GPR176: variants seen among roughly 807,000 people sequenced by gnomAD.
The protein encoded by GPR176 is G protein-coupled receptor 176, also known as G-protein coupled receptor 176.
A neutral mutation model predicts 35.4 loss-of-function variants in GPR176; 26 were observed. The observed-to-expected ratio is 0.74, with a 90% CI of 0.54 to 1.02. The LOEUF (loss-of-function observed/expected upper bound fraction) is 1.02. Ranked by LOEUF, GPR176 falls within the 50% of genes least tolerant of loss-of-function variation. The pLI, the probability that GPR176 is intolerant of heterozygous loss-of-function variation, is 0.00. For synonymous variants in GPR176, 278 were observed against 271.3 expected (o/e 1.02, Z -0.24); for missense variants, 597 against 665.3 (o/e 0.90, Z 1.13).
chr15:39,869,406 T>C (rs2031962821), intron 1 of GPR176, among the ~76,000 whole-genome samples: 1 of 152,198 alleles, frequency 6.6e-6, no homozygotes, highest in Non-Finnish European at 1.5e-5. Context: ...ATGACATCGC[T>C]ACCGAGCTGT....
intron 1 of GPR176, among the ~76,000 whole-genome samples, chr15:39,850,901 A>AG (rs1275165302): frequency 6.6e-6 from 1 of 152,192 alleles, no homozygotes; most frequent in East Asian, 1.9e-4. Context: ...AAGACCTATT[A>AG]GGAAAACACG....
rs541794215 is a variant in GPR176, at chr15:39,799,191, A to T, written c.*1941T>A. On this transcript the variant is annotated 3_prime_UTR_variant, in exon 3 of 3. Coordinates refer to ENST00000561100, the MANE Select transcript of GPR176 (RefSeq NM_007223.3). ...TTGTACATATACAGTATATTATCAG[A>T]ACAACACCAAAGTGGCTACACTTGA... The T allele has an allele frequency of 6.6e-6, 1 of 152,388 alleles. No homozygotes were observed. Among genetic ancestry groups the T allele is most frequent in the Non-Finnish European group, 1.5e-5 (1 of 68,044 alleles). The allele number at this position is 152,388 out of a possible 1,614,324, so 9.4% of individuals were successfully genotyped here. A position where few individuals can be genotyped will look rare whatever the true frequency, so the allele number is the denominator to read the frequency against.
At chr15:39,841,400 G>A (rs1348638328) in intron 1 of GPR176, among the ~76,000 whole-genome samples, 1 of 146,544 alleles carries the variant, frequency 6.8e-6, no homozygotes, top group African/African-American at 2.5e-5. Context: ...TCTTTGTAGA[G>A]CAAATCAAGT....
chr15:39,856,526 C>T (rs1007426739), intron 1 of GPR176, among the ~76,000 whole-genome samples: 1 of 152,162 alleles, frequency 6.6e-6, no homozygotes. Flanking sequence ...TGAAGGTTAA[C>T]GGGCTGGAGG....
intron 1 of GPR176, among the ~76,000 whole-genome samples, chr15:39,811,758 T>C (rs917395293): frequency 3.3e-5 from 5 of 152,044 alleles, no homozygotes; most frequent in African/African-American, 7.2e-5. Context: ...CTACTAAAAA[T>C]ACAAAAAATT....
chr15:39,902,261 C>T (rs1199546611), intron 1 of GPR176, among the ~76,000 whole-genome samples: 2 of 152,180 alleles, frequency 1.3e-5, no homozygotes, highest in Non-Finnish European at 2.9e-5. Flanking sequence ...CAGCACTCAA[C>T]CCACCATTCA....
At chr15:39,874,215 G>C (rs1213530410) in intron 1 of GPR176, among the ~76,000 whole-genome samples, 1 of 152,044 alleles carries the variant, frequency 6.6e-6, no homozygotes, top group Non-Finnish European at 1.5e-5. Flanking sequence ...TTCCAAAATT[G>C]ACCTGTAGTG....
chr15:39,857,692 G>A (rs1391391290), intron 1 of GPR176, among the ~76,000 whole-genome samples: 2 of 151,906 alleles, frequency 1.3e-5, no homozygotes, highest in Non-Finnish European at 1.5e-5. Context: ...AAAAGGGCAG[G>A]GCGCGGTGGC....
Position 39,920,125 on chromosome 15 carries a change from G to C in GPR176, c.-99C>G. 1 of 810,266 alleles carries C rather than the reference G, an allele frequency of 1.2e-6. No homozygotes were observed. The highest frequency in any genetic ancestry group is 1.7e-6 in the Non-Finnish European group (1 of 593,704). The allele number at this position is 810,266 out of a possible 1,614,324, so 50.2% of individuals were successfully genotyped here. On this transcript the variant is annotated 5_prime_UTR_variant, in exon 1 of 3. Transcript: ENST00000561100. ...AGGAGGGACGCGCGGGCGCCTGGCG[G>C]AGTCCTGGAGAAGCCGGAGCAGCCG...
At chr15:39,851,820 T>TATGTTTTGTTTTG (rs1329546319) in intron 1 of GPR176, among the ~76,000 whole-genome samples, 1 of 152,200 alleles carries the variant, frequency 6.6e-6, no homozygotes, top group Non-Finnish European at 1.5e-5. Flanking sequence ...TTTCCAGTCA[T>TATGTTTTGTTTTG]CTCTTTTGTC....
Position 39,801,805 on chromosome 15 carries a change from A to C in GPR176, c.875T>G (p.Leu292Arg), listed in dbSNP as rs757917655. ...GAAGACGGAAGTGTCAGGGACATTG[A>C]GCACAGTCTGGTAGACGACCAGGGT... Reference protein sequence around the residue: ...YATLVVYQTVLNVPDTSVFLL... With the variant: ...YATLVVYQTVRNVPDTSVFLL... Residue 292 changes from leucine to arginine, a missense_variant, in exon 3 of 3, where the codon CTC becomes CGC. By Grantham distance (102) the Leu-to-Arg change is moderately radical (BLOSUM62 -2). Coordinates refer to ENST00000561100, the MANE Select transcript of GPR176 (RefSeq NM_007223.3). 6.2e-7 allele frequency: 1 copy of C among 1,613,850 alleles called. No individual in the cohort carries two copies. The highest frequency in any genetic ancestry group is 1.1e-5 in the South Asian group (1 of 91,084).
chr15:39,837,838 G>A (rs1157267223), intron 1 of GPR176, among the ~76,000 whole-genome samples: 1 of 151,842 alleles, frequency 6.6e-6, no homozygotes, highest in Non-Finnish European at 1.5e-5. Context: ...CATAGTGCTT[G>A]GCTCATGGTA....
intron 1 of GPR176, among the ~76,000 whole-genome samples, chr15:39,817,011 G>A (rs771329511): frequency 7.4e-6 from 1 of 135,604 alleles, no homozygotes; most frequent in Non-Finnish European, 1.5e-5. Context: ...GGAGGCTACA[G>A]TGAGCTATGA....
Position 39,814,643 on chromosome 15 carries a change from T to A in GPR176, c.173-7385A>T, listed in dbSNP as rs75508221. Among the ~76,000 whole-genome samples the A allele has an allele frequency of 2.0e-4, 30 of 152,348 alleles. No homozygotes were observed. The East Asian group carries it at 5.6e-3, about 28-fold the overall frequency. On this transcript the variant is annotated intron_variant, in intron 1 of 2. Coordinates refer to ENST00000561100, the MANE Select transcript of GPR176 (RefSeq NM_007223.3). ...AATATTCAATTATGAGCTCATAGTC[T>A]GTGGGGGTTGTTTTTCTGTGGTAGG...
At chr15:39,819,541 A>G (rs907921721) in intron 1 of GPR176, among the ~76,000 whole-genome samples, 1 of 152,202 alleles carries the variant, frequency 6.6e-6, no homozygotes, top group Non-Finnish European at 1.5e-5. Context: ...TTATAACTAT[A>G]CCTACTGATG....
chr15:39,811,051 G>C (rs1418517197), intron 1 of GPR176, among the ~76,000 whole-genome samples: 1 of 152,144 alleles, frequency 6.6e-6, no homozygotes, highest in African/African-American at 2.4e-5. Context: ...GTAACAACAG[G>C]AATGACTTTT....
chr15:39,889,238 T>C (rs1439571097), intron 1 of GPR176, among the ~76,000 whole-genome samples: 1 of 152,138 alleles, frequency 6.6e-6, no homozygotes. Context: ...GCCCATGCTA[T>C]TTCCTTCATT....
chr15:39,919,723 T>G, intron 1 of GPR176, 132 bp downstream of exon 1: 1 of 618,314 alleles, frequency 1.6e-6, no homozygotes, highest in Non-Finnish European at 2.5e-6. Context: ...CCCGGGATCC[T>G]TAAGCTTCCT....
Position 39,801,127 on chromosome 15 carries a change from C to A in GPR176, c.*5G>T, listed in dbSNP as rs758133846. 23 of 1,583,296 alleles carry A rather than the reference C, an allele frequency of 1.5e-5. No individual in the cohort carries two copies. The highest frequency in any genetic ancestry group is 1.9e-5 in the Non-Finnish European group (22 of 1,162,810). On this transcript the variant is annotated 3_prime_UTR_variant, in exon 3 of 3. Transcript: ENST00000561100. Reference sequence around the variant, plus strand: ...CCCGTTGCTTCCAAGAATTTACAATCCTTGCTAGGAATCCACCTTTGGAAA... The same window carrying A: ...CCCGTTGCTTCCAAGAATTTACAATACTTGCTAGGAATCCACCTTTGGAAA...
Sources: allele counts gnomAD v4.1 joint callset (sites outside exome capture counted in the v4.1 genomes callset), GRCh38; gene constraint gnomAD v4.1.1; transcripts MANE v1.5; gene names NCBI Gene and HGNC (gene_info 2026-07-23, HGNC 2026-07-21).